The following GRID1 variants were observed in gnomAD, a reference collection of about 807,000 sequenced individuals.
GRID1 encodes the protein glutamate ionotropic receptor delta type subunit 1.
In GRID1, 28 loss-of-function variants were observed where a neutral mutation model predicts 98.0. The observed-to-expected ratio is 0.29, with a 90% CI of 0.21 to 0.39. The LOEUF is 0.39. Among genes scored for constraint, GRID1 ranks in the 10% least tolerant of loss-of-function variants. GRID1 has a pLI of 1.00. For missense variants in GRID1, 1,111 were observed against 1,340.5 expected, an observed-to-expected ratio of 0.83 and a Z score of 2.67; for synonymous variants, 553 against 538.5, an observed-to-expected ratio of 1.03 and a Z score of -0.37.
At chr10:85,936,460 T>A (rs1439635767) in intron 4 of GRID1, among the ~76,000 whole-genome samples, 1 of 152,146 alleles carries the variant, frequency 6.6e-6, no homozygotes, top group Non-Finnish European at 1.5e-5. Flanking sequence ...CATTATGTTG[T>A]TCTATGTCCC....
chr10:85,949,886 A>G (rs766312592), intron 4 of GRID1, among the ~76,000 whole-genome samples: 1 of 151,828 alleles, frequency 6.6e-6, no homozygotes, highest in Non-Finnish European at 1.5e-5. Flanking sequence ...ACATATAAAA[A>G]GAGAGAGAGA....
intron 13 of GRID1, among the ~76,000 whole-genome samples, chr10:85,636,848 A>C (rs1262383267): frequency 6.6e-6 from 1 of 152,222 alleles, no homozygotes; most frequent in Non-Finnish European, 1.5e-5. Context: ...AGGGCTTTAA[A>C]TGTTTATATC....
intron 4 of GRID1, among the ~76,000 whole-genome samples, chr10:86,067,446 C>A (rs1239726078): frequency 1.3e-5 from 2 of 152,164 alleles, no homozygotes; most frequent in Non-Finnish European, 2.9e-5. Context: ...GACCTCACCC[C>A]AAAAAGCCAG....
intron 8 of GRID1, among the ~76,000 whole-genome samples, chr10:85,799,331 T>A (rs1842554185): frequency 6.6e-6 from 1 of 152,094 alleles, no homozygotes; most frequent in Admixed American, 6.6e-5. Flanking sequence ...TGGGATCTTT[T>A]GTAGCTCCAT....
intron 14 of GRID1, among the ~76,000 whole-genome samples, chr10:85,617,544 A>G (rs1481781739): frequency 6.6e-6 from 1 of 151,942 alleles, no homozygotes; most frequent in African/African-American, 2.4e-5. Flanking sequence ...TTAAAGAACC[A>G]CTGGCATCAG....
chr10:86,255,164 C>A (rs539230827), intron 2 of GRID1, among the ~76,000 whole-genome samples: 10 of 152,312 alleles, frequency 6.6e-5, no homozygotes, highest in South Asian at 4.2e-4. Context: ...TTAAGAAGGG[C>A]GTGCAAAGAA....
intron 4 of GRID1, among the ~76,000 whole-genome samples, chr10:86,052,183 GA>G (rs1378276366): frequency 1.3e-5 from 2 of 152,090 alleles, no homozygotes; most frequent in African/African-American, 4.8e-5. Context: ...TCAATGTGAA[GA>G]AAAAGTATAC....
intron 2 of GRID1, among the ~76,000 whole-genome samples, chr10:86,337,236 G>C (rs1310609689): frequency 6.6e-6 from 1 of 152,118 alleles, no homozygotes; most frequent in African/African-American, 2.4e-5. Context: ...TCCCCTGTTA[G>C]GGAGGCCCCC....
At chr10:85,952,912 GACA>G (rs1469880734) in intron 4 of GRID1, among the ~76,000 whole-genome samples, 6 of 152,134 alleles carry the variant, frequency 3.9e-5, no homozygotes, top group African/African-American at 1.2e-4. Flanking sequence ...TCAATGTGAA[GACA>G]ACAAGGGTAA....
chr10:86,274,399 T>C (rs530465843), intron 2 of GRID1, among the ~76,000 whole-genome samples: 1 of 152,354 alleles, frequency 6.6e-6, no homozygotes, highest in East Asian at 1.9e-4. Flanking sequence ...GGCGGGCTCT[T>C]TTTTGGTTCC....
At chr10:86,177,218 CT>C (rs1407274545) in intron 3 of GRID1, among the ~76,000 whole-genome samples, 1 of 152,088 alleles carries the variant, frequency 6.6e-6, no homozygotes, top group Non-Finnish European at 1.5e-5. Flanking sequence ...TGAGAACTTA[CT>C]TGCCTTTAAC....
chr10:85,865,915 A>ATATT (rs1367023503), intron 6 of GRID1, among the ~76,000 whole-genome samples: 7 of 39,144 alleles, frequency 1.8e-4, no homozygotes, highest in African/African-American at 4.5e-4. Flanking sequence ...ATATATACAT[A>ATATT]TATATATATA....
chr10:85,785,786 G>A (rs930837846), intron 8 of GRID1, among the ~76,000 whole-genome samples: 1 of 152,056 alleles, frequency 6.6e-6, no homozygotes, highest in Non-Finnish European at 1.5e-5. Flanking sequence ...GGAACTTTAT[G>A]TGACTCAGGA....
At chr10:85,910,943 C>T (rs1246201853) in intron 5 of GRID1, among the ~76,000 whole-genome samples, 1 of 152,046 alleles carries the variant, frequency 6.6e-6, no homozygotes, top group African/African-American at 2.4e-5. Flanking sequence ...AAGGACATGG[C>T]AGGTGGAAAG....
Position 85,613,523 on chromosome 10 carries a change from G to A in GRID1, c.2485C>T (p.His829Tyr), listed in dbSNP as rs1244266801. 2.5e-6 allele frequency: 4 copies of A among 1,614,202 alleles called. No individual in the cohort carries two copies. The highest frequency in any genetic ancestry group is 3.4e-6 in the Non-Finnish European group (4 of 1,180,044). Residue 829 changes from histidine to tyrosine, a missense_variant, in exon 15 of 16, where the codon CAC becomes TAC. This residue lies in a region of GRID1 where 762 missense variants were observed against 869.1 expected (regional missense o/e 0.88). Coordinates refer to ENST00000327946, the MANE Select transcript of GRID1 (RefSeq NM_017551.3). ...ATGCAGAAGACCCCGGCGAAGCTGT[G>A]CAGCTTGAGGGATTTGCCGTCGGCC... ...AQADGKSLKL[H>Y]SFAGVFCILA...
At chr10:85,788,594 A>G (rs941681142) in intron 8 of GRID1, among the ~76,000 whole-genome samples, 16 of 152,160 alleles carry the variant, frequency 1.1e-4, no homozygotes, top group African/African-American at 3.9e-4. Context: ...GTCATTACCC[A>G]CAGACTTTTT....
At chr10:86,056,259 T>C (rs1843570863) in intron 4 of GRID1, among the ~76,000 whole-genome samples, 1 of 152,198 alleles carries the variant, frequency 6.6e-6, no homozygotes, top group Non-Finnish European at 1.5e-5. Flanking sequence ...AACTTCCTGG[T>C]TCTATAGATG....
At chr10:86,076,071 G>T (rs1318158368) in intron 4 of GRID1, among the ~76,000 whole-genome samples, 1 of 152,174 alleles carries the variant, frequency 6.6e-6, no homozygotes. Context: ...AAATCAAATG[G>T]CCCCTATTTT....
intron 4 of GRID1, among the ~76,000 whole-genome samples, chr10:86,090,623 T>G (rs981873063): frequency 6.6e-6 from 1 of 151,726 alleles, no homozygotes; most frequent in African/African-American, 2.4e-5. Flanking sequence ...AAATAATGGC[T>G]ACAGGGAAAC....
Sources: allele counts gnomAD v4.1 joint callset (sites outside exome capture counted in the v4.1 genomes callset), GRCh38; gene constraint gnomAD v4.1.1; regional missense constraint gnomAD v4.1.1; transcripts MANE v1.5; gene names NCBI Gene and HGNC (gene_info 2026-07-23, HGNC 2026-07-21).